PARVB: variants seen among roughly 807,000 people sequenced by gnomAD.
PARVB encodes the protein parvin beta.
Under a neutral mutation model 47.0 loss-of-function variants are expected in PARVB, and 46 were observed. The observed-to-expected ratio is 0.98, with a 90% CI of 0.77 to 1.25. The LOEUF (loss-of-function observed/expected upper bound fraction) is 1.25. Among genes scored for constraint, PARVB ranks in the 50% most tolerant of loss-of-function variants. The pLI is 0.00. For missense variants in PARVB, 473 were observed against 471.6 expected (o/e 1.00, Z -0.03); for synonymous variants, 196 against 196.3 (o/e 1.00, Z 0.01).
intron 1 of PARVB, among the ~76,000 whole-genome samples, chr22:44,064,449 A>C (rs779470011): frequency 1.8e-4 from 27 of 152,172 alleles, no homozygotes; most frequent in Non-Finnish European, 3.2e-4. Context: ...GTCAGTGTTC[A>C]AGTTCTGATG....
chr22:44,092,963 C>G (rs1297568277), intron 1 of PARVB, among the ~76,000 whole-genome samples: 1 of 152,210 alleles, frequency 6.6e-6, no homozygotes, highest in Non-Finnish European at 1.5e-5. Context: ...CAGCTCCGGG[C>G]ACACTGGCCT....
chr22:44,160,969 A>G (rs933633787), intron 11 of PARVB, among the ~76,000 whole-genome samples: 3 of 152,194 alleles, frequency 2.0e-5, no homozygotes, highest in Non-Finnish European at 2.9e-5. Context: ...TAAGAGGTGC[A>G]CGGGAGAGGC....
At chr22:44,083,235 G>A (rs2147010411) in intron 1 of PARVB, among the ~76,000 whole-genome samples, 1 of 152,280 alleles carries the variant, frequency 6.6e-6, no homozygotes, top group East Asian at 1.9e-4. Context: ...TCAGTTCCCT[G>A]ACTTTCTCTT....
intron 11 of PARVB, among the ~76,000 whole-genome samples, chr22:44,161,058 G>A (rs950775104): frequency 2.0e-5 from 3 of 152,112 alleles, no homozygotes; most frequent in African/African-American, 4.8e-5. Flanking sequence ...ATCTTTTCTC[G>A]CTATTCCCTC....
chr22:44,026,939 C>T (rs778500586), intron 1 of PARVB, among the ~76,000 whole-genome samples: 10 of 151,592 alleles, frequency 6.6e-5, no homozygotes, highest in African/African-American at 1.7e-4. Flanking sequence ...GGATGAGTGA[C>T]GTGGCCTGTT....
chr22:44,119,613 C>T (rs1359895267), intron 4 of PARVB, among the ~76,000 whole-genome samples: 2 of 152,132 alleles, frequency 1.3e-5, no homozygotes, highest in African/African-American at 2.4e-5. Context: ...GTGATCTTCC[C>T]GGGACTGACT....
At chr22:44,134,486 A>G (rs1453436423) in intron 6 of PARVB, among the ~76,000 whole-genome samples, 1 of 152,128 alleles carries the variant, frequency 6.6e-6, no homozygotes, top group East Asian at 1.9e-4. Flanking sequence ...GGTCCAAGAT[A>G]ATCTTTGCGG....
chr22:44,162,122 C>T (rs559448113), intron 11 of PARVB, among the ~76,000 whole-genome samples: 22 of 152,352 alleles, frequency 1.4e-4, no homozygotes, highest in African/African-American at 4.1e-4. Context: ...TTTGCTTCTC[C>T]GAGCACAGGC....
At chr22:44,116,549 C>G (rs1014308901) in intron 3 of PARVB, among the ~76,000 whole-genome samples, 2 of 152,240 alleles carry the variant, frequency 1.3e-5, no homozygotes, top group African/African-American at 4.8e-5. Flanking sequence ...TTAGTCCACC[C>G]ATTCACCACA....
At chr22:44,133,587 G>C (rs2053377790) in intron 6 of PARVB, among the ~76,000 whole-genome samples, 1 of 152,198 alleles carries the variant, frequency 6.6e-6, no homozygotes, top group Non-Finnish European at 1.5e-5. Flanking sequence ...TGCCCAGGCT[G>C]GAGTACCATG....
chr22:44,066,847 T>C (rs901496571), intron 1 of PARVB, among the ~76,000 whole-genome samples: 68 of 104,354 alleles, frequency 6.5e-4, no homozygotes, highest in Non-Finnish European at 8.5e-4. Context: ...CCTCCTCTCT[T>C]CTTCTTCCTT....
chr22:44,001,601 G>A (rs906395684), intron 2 of PARVB, among the ~76,000 whole-genome samples: 9 of 152,194 alleles, frequency 5.9e-5, no homozygotes, highest in Non-Finnish European at 1.0e-4. Flanking sequence ...TCAGTACATC[G>A]GAAGTGGGAC....
intron 1 of PARVB, among the ~76,000 whole-genome samples, chr22:44,025,015 A>G (rs1383604755): frequency 6.6e-6 from 1 of 152,052 alleles, no homozygotes; most frequent in African/African-American, 2.4e-5. Context: ...AACACTACCA[A>G]CCTCGTACGT....
At chr22:44,164,042 T>C (rs1313727584) in intron 12 of PARVB, 112 bp downstream of exon 12, 3 of 717,044 alleles carry the variant, frequency 4.2e-6, no homozygotes, top group Non-Finnish European at 6.7e-6. Context: ...GGGCCCCACG[T>C]CTCTGGCTCT....
Position 44,024,421 on chromosome 22 carries a change from A to G in PARVB, c.82A>G (p.Thr28Ala). The G allele has an allele frequency of 8.1e-7, 1 of 1,230,158 alleles. No homozygotes were observed. The allele number at this position is 1,230,158 out of a possible 1,614,324, so 76.2% of individuals were successfully genotyped here. The change falls in exon 1 of 13, where the codon ACC (threonine) becomes GCC (alanine). Residue 28 changes from threonine to alanine, a missense_variant. Physicochemically the swap from Thr to Ala is moderately conservative, Grantham distance 58. Transcript: ENST00000338758. Reference protein sequence around the residue: ...DESFLGKLGGTLARKRRAREV... With the variant: ...DESFLGKLGGALARKRRAREV... ...GTCGTTCCTGGGCAAGCTGGGCGGC[A>G]CCCTGGCCAGGAAGCGGAGGGCGCG...
At chr22:44,120,821 G>A (rs1035511005) in intron 4 of PARVB, among the ~76,000 whole-genome samples, 1 of 151,238 alleles carries the variant, frequency 6.6e-6, no homozygotes, top group Non-Finnish European at 1.5e-5. Context: ...GACTACAGAT[G>A]TGTACCACCA....
At chr22:44,007,473 T>C (rs556523436) in intron 2 of PARVB, among the ~76,000 whole-genome samples, 1 of 152,322 alleles carries the variant, frequency 6.6e-6, no homozygotes, top group African/African-American at 2.4e-5. Flanking sequence ...CACCCTCTTC[T>C]GCCTCTGGGA....
At chr22:44,088,097 C>T (rs950776334) in intron 1 of PARVB, among the ~76,000 whole-genome samples, 8 of 152,146 alleles carry the variant, frequency 5.3e-5, no homozygotes, top group African/African-American at 1.7e-4. Flanking sequence ...TGCCCAAGGT[C>T]ACACACCTTG....
At chr22:44,064,680 C>T (rs76731176) in intron 1 of PARVB, among the ~76,000 whole-genome samples, 1,543 of 151,336 alleles carry the variant, frequency 0.01, 28 homozygotes, top group African/African-American at 0.034. Context: ...TCTCTACAAA[C>T]AAAAACAAAA....
Sources: gnomAD v4.1 joint callset for allele counts (sites outside exome capture counted in the v4.1 genomes callset) on GRCh38, gnomAD v4.1.1 for gene constraint, MANE v1.5 for transcripts, NCBI Gene and HGNC (gene_info 2026-07-23, HGNC 2026-07-21) for gene names.